The following SOX11 variants were observed in gnomAD, a reference collection of about 807,000 sequenced individuals.
SOX11 encodes the protein SRY-box transcription factor 11.
Under a neutral mutation model 16.7 loss-of-function variants are expected in SOX11, and 5 were observed. The observed-to-expected ratio is 0.30, with a 90% CI of 0.16 to 0.63. The LOEUF (loss-of-function observed/expected upper bound fraction) is 0.63. SOX11 is among the 20% of genes least tolerant of loss of function. The pLI is 0.82. For synonymous variants in SOX11, 363 were observed against 298.8 expected (o/e 1.21, Z -2.22); for missense variants, 492 against 641.5 (o/e 0.77, Z 2.52).
chr2:5,693,583 C>G lies in SOX11; in HGVS notation c.862C>G (p.Pro288Ala). ...SPTLSSSAES[P>A]EGASLYDEVR... ...TACGCTGAGCAGCTCGGCGGAGTCC[C>G]CCGAGGGAGCGAGCCTCTACGACGA... The change falls in exon 1 of 1, where the codon CCC becomes GCC. Residue 288 changes from proline to alanine, a missense_variant. By Grantham distance (27) the Pro-to-Ala change is conservative. This residue lies in a region of SOX11 where 389 missense variants were observed against 389.0 expected (regional missense o/e 1.00). Coordinates refer to ENST00000322002, the MANE Select transcript of SOX11 (RefSeq NM_003108.4). This position sits in a 1 kb window ranked among gnomAD's most constrained non-coding sequence, Gnocchi z 8.6. The G allele has an allele frequency of 1.3e-6, 2 of 1,561,522 alleles. No individual in the cohort carries two copies. The highest frequency in any genetic ancestry group is 1.4e-5 in the African/African-American group (1 of 73,858).
chr2:5,695,540 C>G lies in SOX11; in HGVS notation c.*1493C>G, dbSNP rs1276921236. On this transcript the variant is annotated 3_prime_UTR_variant, in exon 1 of 1. Coordinates refer to ENST00000322002, the MANE Select transcript of SOX11 (RefSeq NM_003108.4). The stretch of plus-strand genomic sequence containing the variant: ...GTAGCAAATGGTGGCAAAGCAGACT[C>G]AATGCACTGTCGACATCATTGCCTG... 1.2e-5 allele frequency: 2 copies of G among 162,418 alleles called. No individual in the cohort carries two copies. The highest frequency in any genetic ancestry group is 1.3e-4 in the Admixed American group (2 of 14,826). 10.1% of individuals were successfully genotyped at this position (162,418 alleles called of 1,614,324 possible).
rs1167687555 is a variant in SOX11 at position 5,698,969 on chromosome 2, G to C, written c.*4922G>C. The C allele has an allele frequency of 6.0e-6, 1 of 166,960 alleles. No homozygotes were observed. The highest frequency in any genetic ancestry group is 1.5e-5 in the Non-Finnish European group (1 of 68,098). 10.3% of individuals were successfully genotyped at this position (166,960 alleles called of 1,614,324 possible). A position where few individuals can be genotyped will look rare whatever the true frequency, so the allele number is the denominator to read the frequency against. ...AAATAAGTTGCTCTATTTTAAAGTA[G>C]TCATTCAATATAAATATATTATATC... On this transcript the variant is annotated 3_prime_UTR_variant, in exon 1 of 1. Coordinates refer to ENST00000322002, the MANE Select transcript of SOX11 (RefSeq NM_003108.4).
chr2:5,693,237 C>G lies in SOX11; in HGVS notation c.516C>G (p.Ala172=). The G allele has an allele frequency of 1.4e-6, 2 of 1,392,686 alleles. No homozygotes were observed. Among genetic ancestry groups the G allele is most frequent in the Non-Finnish European group, 1.8e-6 (2 of 1,085,602 alleles). The allele number at this position is 1,392,686 out of a possible 1,614,324, so 86.3% of individuals were successfully genotyped here. ...GSSKKCGKLK[A]PAAAGAKAGA... is the part of the protein sequence containing the mutation. Reference sequence around the variant, plus strand: ...GCAAGAAATGCGGCAAGCTCAAGGCCCCCGCGGCCGCGGGCGCCAAGGCGG... The same window carrying G: ...GCAAGAAATGCGGCAAGCTCAAGGCGCCCGCGGCCGCGGGCGCCAAGGCGG... The change falls in exon 1 of 1, where the codon GCC becomes GCG. Residue 172 remains alanine (A), a synonymous_variant. Coordinates refer to ENST00000322002, the MANE Select transcript of SOX11 (RefSeq NM_003108.4). This position sits in a 1 kb window ranked among gnomAD's most constrained non-coding sequence, Gnocchi z 8.6.
At position 5,701,009 on chromosome 2, in the gene SOX11, C is replaced by A. The variant is rs577058465; in HGVS notation, c.*6962C>A. ...GAAGGTAAAGCTACCTGAGGCAGTG[C>A]GCTGGAGGATGAAGTGTTTGATAGC... On this transcript the variant is annotated 3_prime_UTR_variant, in exon 1 of 1. Transcript: ENST00000322002. 3 of 165,812 alleles carry A rather than the reference C, an allele frequency of 1.8e-5. No individual in the cohort carries two copies. Among genetic ancestry groups the A allele is most frequent in the African/African-American group, 2.4e-5 (1 of 41,012 alleles). 10.3% of individuals were successfully genotyped at this position (165,812 alleles called of 1,614,324 possible).
In SOX11 at chr2:5,695,765, G is replaced by T. The variant is rs1032445925; in HGVS notation, c.*1718G>T. On this transcript the variant is annotated 3_prime_UTR_variant, in exon 1 of 1. Coordinates refer to ENST00000322002, the MANE Select transcript of SOX11 (RefSeq NM_003108.4). ...CAGGAGAGAATTCTACATTTAGGGG[G>T]TTAGGCTGAAAAGTGTTCAATTAGC... The T allele has an allele frequency of 6.0e-6, 1 of 167,234 alleles. No individual in the cohort carries two copies. Among genetic ancestry groups the T allele is most frequent in the Non-Finnish European group, 1.5e-5 (1 of 68,158 alleles). The allele number at this position is 167,234 out of a possible 1,614,324, so 10.4% of individuals were successfully genotyped here.
At position 5,699,420 on chromosome 2, in the gene SOX11, G is replaced by A. The variant is rs543634027; in HGVS notation, c.*5373G>A. 1 of 167,072 alleles carries A rather than the reference G, an allele frequency of 6.0e-6. No individual in the cohort carries two copies. Among genetic ancestry groups the A allele is most frequent in the Non-Finnish European group, 1.5e-5 (1 of 68,096 alleles). The allele number at this position is 167,072 out of a possible 1,614,324, so 10.3% of individuals were successfully genotyped here. A position where few individuals can be genotyped will look rare whatever the true frequency, so the allele number is the denominator to read the frequency against. On this transcript the variant is annotated 3_prime_UTR_variant, in exon 1 of 1. Transcript: ENST00000322002. The stretch of plus-strand genomic sequence containing the variant: ...TGAGCCTTACCTATCCTAACACAGG[G>A]ATTTACAAGTTCCCAAAGTAACCGT...
In SOX11 at chr2:5,692,754, G is replaced by A. The variant is rs369950584; in HGVS notation, c.33G>A (p.Glu11=). MVQQAESLEA[E]SNLPREALDT... is the part of the protein sequence containing the mutation. ...AGCAGGCGGAGAGCTTGGAAGCGGAGAGCAACCTGCCCCGGGAGGCGCTGG... is the reference window on the plus strand; with the variant it reads ...AGCAGGCGGAGAGCTTGGAAGCGGAAAGCAACCTGCCCCGGGAGGCGCTGG... Residue 11 remains glutamate, a synonymous_variant, in exon 1 of 1, where the codon GAG becomes GAA. Coordinates refer to ENST00000322002, the MANE Select transcript of SOX11 (RefSeq NM_003108.4). The A allele has an allele frequency of 7.5e-6, 12 of 1,606,346 alleles. No homozygotes were observed. The Admixed American group carries it at 1.2e-4, about 16-fold the overall frequency.
chr2:5,697,561 G>A lies in SOX11; in HGVS notation c.*3514G>A, dbSNP rs749637530. 3 of 158,202 alleles carry A rather than the reference G, an allele frequency of 1.9e-5. No individual in the cohort carries two copies. Among genetic ancestry groups the A allele is most frequent in the African/African-American group, 5.1e-5 (2 of 38,888 alleles). The allele number at this position is 158,202 out of a possible 1,614,324, so 9.8% of individuals were successfully genotyped here. On this transcript the variant is annotated 3_prime_UTR_variant, in exon 1 of 1. Transcript: ENST00000322002. ...TGGGATGCGAAGCCAGCAAGCTTTTGCTGCAGATGGACAGGTTTCTTTTCT... is the reference window on the plus strand; with the variant it reads ...TGGGATGCGAAGCCAGCAAGCTTTTACTGCAGATGGACAGGTTTCTTTTCT...
chr2:5,695,385 C>T lies in SOX11; in HGVS notation c.*1338C>T, dbSNP rs1162691684. 1 of 166,294 alleles carries T rather than the reference C, an allele frequency of 6.0e-6. No homozygotes were observed. The highest frequency in any genetic ancestry group is 1.5e-5 in the Non-Finnish European group (1 of 68,010). The allele number at this position is 166,294 out of a possible 1,614,324, so 10.3% of individuals were successfully genotyped here. ...CTCATACGCTGTGATGTGGATGGGGCCCCAGATGGAAGGTTTGAAACTGGA... is the reference window on the plus strand; with the variant it reads ...CTCATACGCTGTGATGTGGATGGGGTCCCAGATGGAAGGTTTGAAACTGGA... On this transcript the variant is annotated 3_prime_UTR_variant, in exon 1 of 1. Transcript: ENST00000322002.
At position 5,693,973 on chromosome 2, in the gene SOX11, A is replaced by T; in HGVS notation, c.1252A>T (p.Thr418Ser). The T allele has an allele frequency of 1.3e-6, 2 of 1,551,584 alleles. No homozygotes were observed. The highest frequency in any genetic ancestry group is 1.7e-6 in the Non-Finnish European group (2 of 1,147,020). Residue 418 changes from threonine to serine, a missense_variant, in exon 1 of 1, where the codon ACG becomes TCG. Thr to Ser is a moderately conservative substitution (Grantham distance 58, BLOSUM62 1). This residue lies in a region of SOX11 where 31 missense variants were observed against 78.3 expected (regional missense o/e 0.40). Coordinates refer to ENST00000322002, the MANE Select transcript of SOX11 (RefSeq NM_003108.4). This position sits in a 1 kb window ranked among gnomAD's most constrained non-coding sequence, Gnocchi z 8.6. Reference protein sequence around the residue: ...GSHFEFPDYCTPELSEMIAGD... With the variant: ...GSHFEFPDYCSPELSEMIAGD... ...CCACTTCGAGTTCCCCGACTACTGC[A>T]CGCCGGAGCTGAGCGAGATGATCGC...
Position 5,692,760 on chromosome 2 carries a change from C to T in SOX11, c.39C>T (p.Asn13=). ...CGGAGAGCTTGGAAGCGGAGAGCAACCTGCCCCGGGAGGCGCTGGACACGG... is the reference window on the plus strand; with the variant it reads ...CGGAGAGCTTGGAAGCGGAGAGCAATCTGCCCCGGGAGGCGCTGGACACGG... The part of the protein sequence containing the change: ...QQAESLEAES[N]LPREALDTEE... The change falls in exon 1 of 1, where the codon AAC becomes AAT. Residue 13 remains asparagine, a synonymous_variant. Transcript: ENST00000322002. 1 of 1,607,926 alleles carries T rather than the reference C, an allele frequency of 6.2e-7. No individual in the cohort carries two copies. The highest frequency in any genetic ancestry group is 1.1e-5 in the South Asian group (1 of 90,246).
rs1665735808 is a variant in SOX11, at chr2:5,696,717, G to C, written c.*2670G>C. 1 of 151,846 alleles carries C rather than the reference G, an allele frequency of 6.6e-6. No individual in the cohort carries two copies. The highest frequency in any genetic ancestry group is 2.0e-4 in the East Asian group (1 of 5,086). The allele number at this position is 151,846 out of a possible 1,614,324, so 9.4% of individuals were successfully genotyped here. A position where few individuals can be genotyped will look rare whatever the true frequency, so the allele number is the denominator to read the frequency against. On this transcript the variant is annotated 3_prime_UTR_variant, in exon 1 of 1. Coordinates refer to ENST00000322002, the MANE Select transcript of SOX11 (RefSeq NM_003108.4). ...CCAGCGCTGGCTTCCCGGGCCCGCG[G>C]GCCGGGGAGGGAAGCCTCGGGGCTG... is the stretch of plus-strand genomic sequence containing the variant.
In SOX11 at chr2:5,693,367, A is replaced by G; in HGVS notation, c.646A>G (p.Thr216Ala). 6.3e-7 allele frequency: 1 copy of G among 1,591,160 alleles called. No individual in the cohort carries two copies. The highest frequency in any genetic ancestry group is 8.5e-7 in the Non-Finnish European group (1 of 1,177,342). The change falls in exon 1 of 1, where the codon ACG becomes GCG. Residue 216 changes from threonine (T) to alanine (A), a missense_variant. Transcript: ENST00000322002. This position sits in a 1 kb window ranked among gnomAD's most constrained non-coding sequence, Gnocchi z 8.6. ...SGSGGGGAGK[T>A]VKCVFLDEDD... is the part of the protein sequence containing the mutation. ...CTCGGGCGGCGGCGGCGCGGGCAAG[A>G]CGGTCAAGTGCGTGTTTCTGGATGA...
rs1665735086 is a variant in SOX11, at chr2:5,696,677, A to G, written c.*2630A>G. 2 of 151,058 alleles carry G rather than the reference A, an allele frequency of 1.3e-5. No homozygotes were observed. Among genetic ancestry groups the G allele is most frequent in the Non-Finnish European group, 3.0e-5 (2 of 67,682 alleles). The allele number at this position is 151,058 out of a possible 1,614,324, so 9.4% of individuals were successfully genotyped here. ...GGGCGCGCCCCGCCGCGGGCCCTTG[A>G]GGCGCGCGGAGACACCAGCGCTGGC... is the stretch of plus-strand genomic sequence containing the variant. On this transcript the variant is annotated 3_prime_UTR_variant, in exon 1 of 1. Transcript: ENST00000322002.
In SOX11 at chr2:5,698,656, A is replaced by C. The variant is rs1665786347; in HGVS notation, c.*4609A>C. On this transcript the variant is annotated 3_prime_UTR_variant, in exon 1 of 1. Transcript: ENST00000322002. ...AGACACTGGGCAAATTATTTGTAGA[A>C]TGATTATCCTTTAGCTAGAGAAAGA... The C allele has an allele frequency of 6.0e-6, 1 of 167,126 alleles. No homozygotes were observed. The highest frequency in any genetic ancestry group is 2.4e-5 in the African/African-American group (1 of 41,468). 10.4% of individuals were successfully genotyped at this position (167,126 alleles called of 1,614,324 possible).
Position 5,699,809 on chromosome 2 carries a change from A to C in SOX11, c.*5762A>C, listed in dbSNP as rs1665804175. ...ATCCATTAGCTGCCTAATTAGTTTT[A>C]TCTGTTCCATGTGGATGCAGTGAGT... On this transcript the variant is annotated 3_prime_UTR_variant, in exon 1 of 1. Coordinates refer to ENST00000322002, the MANE Select transcript of SOX11 (RefSeq NM_003108.4). 1 of 156,440 alleles carries C rather than the reference A, an allele frequency of 6.4e-6. No homozygotes were observed. The highest frequency in any genetic ancestry group is 1.5e-5 in the Non-Finnish European group (1 of 66,244). 9.7% of individuals were successfully genotyped at this position (156,440 alleles called of 1,614,324 possible).
rs1665758706 is a variant in SOX11, at chr2:5,697,488, C to G, written c.*3441C>G. ...ACTGAGAACTCGGGCCTCTCACCCG[C>G]CCCCCAGCCTCCCGCTCTGGGCGAG... On this transcript the variant is annotated 3_prime_UTR_variant, in exon 1 of 1. Coordinates refer to ENST00000322002, the MANE Select transcript of SOX11 (RefSeq NM_003108.4). 6.1e-6 allele frequency: 1 copy of G among 164,076 alleles called. No homozygotes were observed. The highest frequency in any genetic ancestry group is 2.4e-5 in the African/African-American group (1 of 41,180). The allele number at this position is 164,076 out of a possible 1,614,324, so 10.2% of individuals were successfully genotyped here. A position where few individuals can be genotyped will look rare whatever the true frequency, so the allele number is the denominator to read the frequency against.
In SOX11 at chr2:5,692,694, G is replaced by T; in HGVS notation, c.-28G>T. The stretch of plus-strand genomic sequence containing the variant: ...CTCCGCACGAGACCCAGCGGCCCGG[G>T]TTGGAGCGTCCAGCCCTGCAGCGGA... On this transcript the variant is annotated 5_prime_UTR_variant, in exon 1 of 1. Transcript: ENST00000322002. 1 of 1,536,628 alleles carries T rather than the reference G, an allele frequency of 6.5e-7. No individual in the cohort carries two copies. The highest frequency in any genetic ancestry group is 8.8e-7 in the Non-Finnish European group (1 of 1,137,546).
rs1402617753 is a variant in SOX11, at chr2:5,697,478, C to G, written c.*3431C>G. The G allele has an allele frequency of 2.5e-5, 4 of 160,372 alleles. No individual in the cohort carries two copies. The highest frequency in any genetic ancestry group is 4.9e-5 in the African/African-American group (2 of 40,536). 9.9% of individuals were successfully genotyped at this position (160,372 alleles called of 1,614,324 possible). ...CGGCCCCCCGACTGAGAACTCGGGC[C>G]TCTCACCCGCCCCCCAGCCTCCCGC... On this transcript the variant is annotated 3_prime_UTR_variant, in exon 1 of 1. Transcript: ENST00000322002.
Sources: gnomAD v4.1 joint callset for allele counts on GRCh38, gnomAD v4.1.1 for gene constraint, gnomAD v4.1.1 regional missense constraint, Gnocchi (gnomAD v3.1) non-coding constraint, MANE v1.5 for transcripts, NCBI Gene and HGNC (gene_info 2026-07-23, HGNC 2026-07-21) for gene names.